CTXND1: variants seen among roughly 807,000 people sequenced by gnomAD.
CTXND1 encodes cortexin domain containing 1, also known as cortexin domain-containing 1 protein.
At chr15:80,226,595 C>T (rs189199976) in intron 1 of CTXND1, among the ~76,000 whole-genome samples, 43 of 152,294 alleles carry the variant, frequency 2.8e-4, no homozygotes, top group Admixed American at 2.0e-3. Flanking sequence ...AAATTGAATT[C>T]TCCACTTTCC....
chr15:80,244,219 T>A (rs778032871), intron 1 of CTXND1, among the ~76,000 whole-genome samples: 1 of 152,260 alleles, frequency 6.6e-6, no homozygotes, highest in African/African-American at 2.4e-5. Context: ...ACTCTGCTAA[T>A]GCCTTCTTTC....
At chr15:80,238,546 G>A (rs1470714625) in intron 1 of CTXND1, among the ~76,000 whole-genome samples, 2 of 150,032 alleles carry the variant, frequency 1.3e-5, no homozygotes, top group East Asian at 1.9e-4. Flanking sequence ...GTGCAGTGGC[G>A]ATTTCTCGGC....
intron 1 of CTXND1, among the ~76,000 whole-genome samples, chr15:80,212,772 A>G (rs1462121961): frequency 6.6e-6 from 1 of 152,242 alleles, no homozygotes; most frequent in Non-Finnish European, 1.5e-5. Flanking sequence ...TAAAAGGGAC[A>G]GAGACAAAAT....
chr15:80,243,525 C>T (rs1182487600), intron 1 of CTXND1, among the ~76,000 whole-genome samples: 4 of 152,092 alleles, frequency 2.6e-5, no homozygotes, highest in Non-Finnish European at 5.9e-5. Context: ...ATAGCAGATG[C>T]CTTGGACAAG....
intron 1 of CTXND1, among the ~76,000 whole-genome samples, chr15:80,245,384 G>T (rs1256517166): frequency 1.3e-5 from 2 of 152,124 alleles, no homozygotes; most frequent in Non-Finnish European, 2.9e-5. Context: ...CATTTATTTT[G>T]CTTACAAATC....
Position 80,201,943 on chromosome 15 carries a change from C to T in CTXND1, c.7G>A (p.Glu3Lys), listed in dbSNP as rs945671611. The T allele has an allele frequency of 1.8e-5, 7 of 398,794 alleles. No homozygotes were observed. The highest frequency in any genetic ancestry group is 8.2e-5 in the African/African-American group (4 of 48,644). The allele number at this position is 398,794 out of a possible 1,614,324, so 24.7% of individuals were successfully genotyped here. A position where few individuals can be genotyped will look rare whatever the true frequency, so the allele number is the denominator to read the frequency against. ME[E>K]PTPEPVYVDV... ...ACATAGACGGGCTCGGGCGTGGGCTCCTCCATCTCGCGGCAGCGACTGCGG... is the reference window on the plus strand; with the variant it reads ...ACATAGACGGGCTCGGGCGTGGGCTTCTCCATCTCGCGGCAGCGACTGCGG... Residue 3 changes from glutamate to lysine, a missense_variant, in exon 3 of 3, where the codon GAG becomes AAG. Transcript: ENST00000560778.
chr15:80,244,905 G>GT (rs1595911179), intron 1 of CTXND1, among the ~76,000 whole-genome samples: 2 of 152,174 alleles, frequency 1.3e-5, no homozygotes, highest in African/African-American at 4.8e-5. Flanking sequence ...GGAACTGAGT[G>GT]TAAGGGTTGA....
intron 1 of CTXND1, among the ~76,000 whole-genome samples, chr15:80,216,336 G>A (rs1165560420): frequency 3.3e-5 from 5 of 152,134 alleles, no homozygotes; most frequent in Non-Finnish European, 5.9e-5. Flanking sequence ...TGTTTGAAGG[G>A]TAAACTGACA....
At chr15:80,249,519 T>C (rs540802570) in intron 1 of CTXND1, among the ~76,000 whole-genome samples, 1 of 152,344 alleles carries the variant, frequency 6.6e-6, no homozygotes, top group South Asian at 2.1e-4. Context: ...ATGGAATATA[T>C]AAAATGCTTA....
intron 1 of CTXND1, among the ~76,000 whole-genome samples, chr15:80,246,404 G>A (rs765490681): frequency 2.0e-5 from 3 of 152,210 alleles, no homozygotes; most frequent in Admixed American, 6.5e-5. Flanking sequence ...CTGTTTATCC[G>A]TTTGTGATTT....
At position 80,201,709 on chromosome 15, in the gene CTXND1, A is replaced by G. The variant is rs1409556906; in HGVS notation, c.*61T>C. Reference sequence around the variant, plus strand: ...TGGCAGGCTGGCAGGGAACACACGGATGCATCCTGGGGCACAGCCACCCAC... The same window carrying G: ...TGGCAGGCTGGCAGGGAACACACGGGTGCATCCTGGGGCACAGCCACCCAC... On this transcript the variant is annotated 3_prime_UTR_variant, in exon 3 of 3. Coordinates refer to ENST00000560778, the MANE Select transcript of CTXND1 (RefSeq NM_001352888.2). 1.0e-5 allele frequency: 4 copies of G among 398,176 alleles called. No homozygotes were observed. Among genetic ancestry groups the G allele is most frequent in the Non-Finnish European group, 1.8e-5 (4 of 226,176 alleles). The allele number at this position is 398,176 out of a possible 1,614,324, so 24.7% of individuals were successfully genotyped here.
chr15:80,234,436 T>C (rs925538125), intron 1 of CTXND1, among the ~76,000 whole-genome samples: 1 of 151,368 alleles, frequency 6.6e-6, no homozygotes, highest in African/African-American at 2.4e-5. Context: ...ATACACAGCA[T>C]CCTGAAATAA....
At chr15:80,233,098 C>T (rs908676573) in intron 1 of CTXND1, among the ~76,000 whole-genome samples, 2 of 152,124 alleles carry the variant, frequency 1.3e-5, no homozygotes, top group African/African-American at 2.4e-5. Context: ...CCCACCACCA[C>T]GCCTGGCTAA....
At chr15:80,237,336 G>GAAAAAAAAAAAAA (rs201997173) in intron 1 of CTXND1, among the ~76,000 whole-genome samples, 2 of 101,578 alleles carry the variant, frequency 2.0e-5, no homozygotes, top group Non-Finnish European at 2.0e-5. Flanking sequence ...CAGTGTCTCA[G>GAAAAAAAAAAAAA]AAAAAAAAAA....
At chr15:80,241,501 T>C (rs59907134) in intron 1 of CTXND1, among the ~76,000 whole-genome samples, 41,821 of 151,960 alleles carry the variant, frequency 0.28, 6,593 homozygotes, top group East Asian at 0.59. Context: ...CCCTTTTGGG[T>C]TTCTGATGCC....
intron 1 of CTXND1, among the ~76,000 whole-genome samples, chr15:80,231,461 C>T (rs1365791728): frequency 6.6e-6 from 1 of 151,664 alleles, no homozygotes; most frequent in African/African-American, 2.4e-5. Flanking sequence ...GCAGCTAATA[C>T]CTCATTAAGG....
At chr15:80,202,376 G>A (rs959663046) in intron 2 of CTXND1, among the ~76,000 whole-genome samples, 18 of 152,148 alleles carry the variant, frequency 1.2e-4, no homozygotes, top group African/African-American at 4.1e-4. Flanking sequence ...AGGCAGTTAG[G>A]ATAATGCTTT....
At chr15:80,219,353 A>G (rs1373306376) in intron 1 of CTXND1, among the ~76,000 whole-genome samples, 5 of 152,144 alleles carry the variant, frequency 3.3e-5, no homozygotes. Context: ...ATGCCAATAC[A>G]TGTAACTTTG....
At chr15:80,249,011 G>C (rs530727849) in intron 1 of CTXND1, among the ~76,000 whole-genome samples, 1 of 151,952 alleles carries the variant, frequency 6.6e-6, no homozygotes, top group African/African-American at 2.4e-5. Context: ...GGAGTATAGT[G>C]GTGCAATCAC....
Sources: allele counts gnomAD v4.1 joint callset (sites outside exome capture counted in the v4.1 genomes callset), GRCh38; gene constraint gnomAD v4.1.1; transcripts MANE v1.5; gene names NCBI Gene and HGNC (gene_info 2026-07-23, HGNC 2026-07-21).